Variants in STK32B observed in about 807,000 individuals in gnomAD.
STK32B encodes serine/threonine kinase 32B, also known as serine/threonine-protein kinase 32B.
In STK32B, 43 loss-of-function variants were observed where a neutral mutation model predicts 52.6. That is an observed-to-expected ratio of 0.82 (90% CI 0.64 to 1.05). The LOEUF is 1.05. STK32B is among the 50% of genes least tolerant of loss of function. STK32B has a pLI of 0.00. For missense variants in STK32B, 621 were observed against 534.6 expected, an observed-to-expected ratio of 1.16 and a Z score of -1.59; for synonymous variants, 238 against 204.3, an observed-to-expected ratio of 1.17 and a Z score of -1.41.
At chr4:5,192,957 C>A (rs1198368656) in intron 3 of STK32B, among the ~76,000 whole-genome samples, 1 of 152,180 alleles carries the variant, frequency 6.6e-6, no homozygotes, top group Non-Finnish European at 1.5e-5. Context: ...GGTGGAAGTG[C>A]CCAGTCCGGC....
intron 4 of STK32B, among the ~76,000 whole-genome samples, chr4:5,370,750 T>C (rs569453854): frequency 2.6e-5 from 4 of 152,144 alleles, no homozygotes; most frequent in African/African-American, 9.6e-5. Context: ...CCCAGCACTT[T>C]GGGAGGCTGA....
intron 4 of STK32B, among the ~76,000 whole-genome samples, chr4:5,344,564 G>A (rs891337392): frequency 1.3e-5 from 2 of 152,140 alleles, no homozygotes; most frequent in African/African-American, 4.8e-5. Context: ...GCTGATTCCA[G>A]TCTTGGGAAA....
intron 6 of STK32B, among the ~76,000 whole-genome samples, chr4:5,434,422 GTGTGCATGTA>G: frequency 6.9e-6 from 1 of 144,952 alleles, no homozygotes; most frequent in Non-Finnish European, 1.5e-5. Flanking sequence ...TATGCTATAT[GTGTGCATGTA>G]TGTGTGTGTG....
At chr4:5,102,426 C>CTCCT (rs1398175301) in intron 1 of STK32B, among the ~76,000 whole-genome samples, 74 of 144,502 alleles carry the variant, frequency 5.1e-4, no homozygotes, top group African/African-American at 7.7e-4. Flanking sequence ...TTTCCTTCTT[C>CTCCT]TCCTTCCTTG....
chr4:5,201,114 A>T (rs1309120926), intron 3 of STK32B, among the ~76,000 whole-genome samples: 4 of 152,240 alleles, frequency 2.6e-5, no homozygotes. Context: ...TCAGGCTCTG[A>T]TCAGTTGAAT....
intron 6 of STK32B, among the ~76,000 whole-genome samples, chr4:5,420,189 A>T (rs1712505128): frequency 6.6e-6 from 1 of 152,222 alleles, no homozygotes; most frequent in South Asian, 2.1e-4. Flanking sequence ...CCAAGCTCTG[A>T]AGTACATCTC....
chr4:5,251,090 T>C (rs1209612463), intron 3 of STK32B, among the ~76,000 whole-genome samples: 1 of 152,234 alleles, frequency 6.6e-6, no homozygotes, highest in Non-Finnish European at 1.5e-5. Context: ...ATTTTGGTTT[T>C]GTTGCAATTG....
chr4:5,431,227 G>A (rs1164463015), intron 6 of STK32B, among the ~76,000 whole-genome samples: 1 of 152,234 alleles, frequency 6.6e-6, no homozygotes, highest in African/African-American at 2.4e-5. Flanking sequence ...TAAACCTTGA[G>A]AAGTGTGTAG....
At chr4:5,476,487 AAC>A (rs1164684457) in intron 11 of STK32B, among the ~76,000 whole-genome samples, 1 of 152,214 alleles carries the variant, frequency 6.6e-6, no homozygotes, top group East Asian at 1.9e-4. Context: ...ACACAGGGGC[AAC>A]TAGTAACTTC....
intron 11 of STK32B, among the ~76,000 whole-genome samples, chr4:5,472,469 G>A (rs186450696): frequency 1.8e-4 from 27 of 152,346 alleles, no homozygotes; most frequent in Admixed American, 4.6e-4. Flanking sequence ...TGCTTCCAGG[G>A]CTGGTCAGGG....
intron 2 of STK32B, among the ~76,000 whole-genome samples, chr4:5,164,837 A>C (rs975722804): frequency 2.0e-5 from 3 of 152,170 alleles, no homozygotes; most frequent in African/African-American, 7.2e-5. Context: ...TTGGAGACCC[A>C]CTTGTCTCCA....
chr4:5,442,433 C>CG (rs893512475), intron 6 of STK32B, among the ~76,000 whole-genome samples: 1 of 151,520 alleles, frequency 6.6e-6, no homozygotes, highest in African/African-American at 2.4e-5. Flanking sequence ...CAACCCCTGC[C>CG]TTTTTTTGTT....
At chr4:5,260,148 C>G (rs888050310) in intron 3 of STK32B, among the ~76,000 whole-genome samples, 1 of 152,108 alleles carries the variant, frequency 6.6e-6, no homozygotes, top group East Asian at 1.9e-4. Context: ...TACAGCTTCA[C>G]GAGATTTTCT....
At chr4:5,300,553 C>T (rs1729488233) in intron 3 of STK32B, among the ~76,000 whole-genome samples, 1 of 152,130 alleles carries the variant, frequency 6.6e-6, no homozygotes, top group South Asian at 2.1e-4. Flanking sequence ...TTCCAAAAGA[C>T]CCCTAACCCT....
intron 4 of STK32B, among the ~76,000 whole-genome samples, chr4:5,334,410 A>C (rs1358643409): frequency 6.6e-6 from 1 of 152,162 alleles, no homozygotes; most frequent in Admixed American, 6.5e-5. Flanking sequence ...GTATACAATC[A>C]TGTCATCTGC....
intron 4 of STK32B, among the ~76,000 whole-genome samples, chr4:5,336,489 A>G (rs954415016): frequency 2.6e-5 from 4 of 152,200 alleles, no homozygotes; most frequent in Non-Finnish European, 5.9e-5. Context: ...TGGAAACATC[A>G]AAATAACTAT....
intron 4 of STK32B, among the ~76,000 whole-genome samples, chr4:5,344,176 A>G (rs28571888): frequency 0.011 from 1,712 of 152,290 alleles, 22 homozygotes; most frequent in South Asian, 0.059. Flanking sequence ...TCAGAGTCAC[A>G]TAAATATGAA....
At chr4:5,343,230 G>A (rs1471314675) in intron 4 of STK32B, among the ~76,000 whole-genome samples, 1 of 151,766 alleles carries the variant, frequency 6.6e-6, no homozygotes, top group Non-Finnish European at 1.5e-5. Context: ...ATAGTTTGCT[G>A]AGAATGATGG....
chr4:5,151,284 A>T (rs1007881936), intron 2 of STK32B, among the ~76,000 whole-genome samples: 1 of 152,214 alleles, frequency 6.6e-6, no homozygotes, highest in African/African-American at 2.4e-5. Flanking sequence ...GCCTTTCATA[A>T]TAAATGCAGG....
Sources: gnomAD v4.1 joint callset for allele counts (sites outside exome capture counted in the v4.1 genomes callset) on GRCh38, gnomAD v4.1.1 for gene constraint, MANE v1.5 for transcripts, NCBI Gene and HGNC (gene_info 2026-07-23, HGNC 2026-07-21) for gene names.